MAST2: variants seen among roughly 807,000 people sequenced by gnomAD.
MAST2 encodes the protein microtubule-associated serine/threonine-protein kinase 2.
Under a neutral mutation model 147.4 loss-of-function variants are expected in MAST2, and 70 were observed. The observed-to-expected ratio is 0.47, with a 90% confidence interval of 0.39 to 0.58. The LOEUF is 0.58. Ranked by LOEUF, MAST2 falls within the 20% of genes least tolerant of loss-of-function variation. The pLI, the probability that MAST2 is intolerant of heterozygous loss-of-function variation, is 0.00. For missense variants in MAST2, 2,080 were observed against 2,302.3 expected (o/e 0.90, Z 1.98); for synonymous variants, 869 against 896.8 (o/e 0.97, Z 0.55).
At chr1:45,942,077 C>T (rs1657380883) in intron 4 of MAST2, among the ~76,000 whole-genome samples, 1 of 151,762 alleles carries the variant, frequency 6.6e-6, no homozygotes, top group Admixed American at 6.6e-5. Context: ...CTGAAAGAGT[C>T]TCAGGGACCC....
rs537007547 is a variant in MAST2 at position 46,031,022 on chromosome 1, G to T, written c.2724G>T (p.Leu908=). 1.9e-6 allele frequency: 3 copies of T among 1,613,596 alleles called. No homozygotes were observed. Among genetic ancestry groups the T allele is most frequent in the African/African-American group, 2.7e-5 (2 of 75,030 alleles). The change falls in exon 23 of 29, where the codon CTG becomes CTT. Residue 908 remains leucine, a synonymous_variant. Transcript: ENST00000361297. This position sits in a 1 kb window ranked among gnomAD's most constrained non-coding sequence, Gnocchi z 4.1. Reference sequence around the variant, plus strand: ...TGTCTCATAGATTACGGAAGCGGCTGTCGGTGTCTGAGTCATCCCACACAG... The same window carrying T: ...TGTCTCATAGATTACGGAAGCGGCTTTCGGTGTCTGAGTCATCCCACACAG... The part of the protein sequence containing the change: ...IGSPEILRKR[L]SVSESSHTES...
intron 3 of MAST2, among the ~76,000 whole-genome samples, chr1:45,869,572 A>C (rs1646295216): frequency 6.6e-6 from 1 of 152,176 alleles, no homozygotes; most frequent in African/African-American, 2.4e-5. Context: ...CTGCTGCTTT[A>C]TGTATTTACT....
intron 4 of MAST2, among the ~76,000 whole-genome samples, chr1:45,927,310 A>T (rs1654533638): frequency 6.6e-6 from 1 of 152,208 alleles, no homozygotes; most frequent in Non-Finnish European, 1.5e-5. Flanking sequence ...TTTTGAGATC[A>T]ACCGGTCTGA....
intron 1 of MAST2, among the ~76,000 whole-genome samples, chr1:45,807,727 AGACG>A (rs1418482763): frequency 6.6e-6 from 1 of 151,986 alleles, no homozygotes. Context: ...TTTTTAGTAG[AGACG>A]GGGTTTCACC....
At chr1:45,963,513 CT>C (rs959458190) in intron 5 of MAST2, among the ~76,000 whole-genome samples, 4 of 152,218 alleles carry the variant, frequency 2.6e-5, no homozygotes, top group Admixed American at 6.5e-5. Context: ...GTATTATATT[CT>C]CTTTGAAGCA....
chr1:46,033,721 T>A (rs1646776760), intron 26 of MAST2, 81 bp from the exon 27 acceptor site: 1 of 1,561,046 alleles, frequency 6.4e-7, no homozygotes, highest in African/African-American at 1.4e-5. Flanking sequence ...GGTATAGCCA[T>A]GCCAGAAGGG....
intron 4 of MAST2, among the ~76,000 whole-genome samples, chr1:45,936,400 A>C (rs1018786265): frequency 3.9e-5 from 6 of 152,090 alleles, no homozygotes; most frequent in Middle Eastern, 3.2e-3. Context: ...AGGACTTCCT[A>C]TGTGGAATAG....
At chr1:45,974,175 A>C (rs1320559787) in intron 5 of MAST2, among the ~76,000 whole-genome samples, 1 of 152,234 alleles carries the variant, frequency 6.6e-6, no homozygotes, top group African/African-American at 2.4e-5. Context: ...GGATCTAGTA[A>C]ATAAGCAGTA....
chr1:45,946,620 C>G (rs1658071515), intron 4 of MAST2, among the ~76,000 whole-genome samples: 1 of 152,170 alleles, frequency 6.6e-6, no homozygotes, highest in Non-Finnish European at 1.5e-5. Flanking sequence ...CTGGTATAAT[C>G]TGCCTGGGAC....
chr1:45,840,041 G>C (rs1645225846), intron 3 of MAST2, among the ~76,000 whole-genome samples: 6 of 152,150 alleles, frequency 3.9e-5, no homozygotes, highest in Admixed American at 3.9e-4. Context: ...GAAAATTTTT[G>C]TGATTTTAGG....
chr1:45,871,574 C>T (rs1363833061), intron 3 of MAST2, among the ~76,000 whole-genome samples: 1 of 152,170 alleles, frequency 6.6e-6, no homozygotes, highest in Admixed American at 6.5e-5. Flanking sequence ...CCATTTTCTG[C>T]TTAGAAAGCC....
At chr1:45,919,810 A>G (rs756737451) in intron 4 of MAST2, among the ~76,000 whole-genome samples, 1 of 147,444 alleles carries the variant, frequency 6.8e-6, no homozygotes, top group Non-Finnish European at 1.5e-5. Flanking sequence ...TTTTTTTTTC[A>G]TAGACTTACT....
intron 4 of MAST2, among the ~76,000 whole-genome samples, chr1:45,940,821 G>A (rs369033133): frequency 1.3e-5 from 2 of 152,102 alleles, no homozygotes; most frequent in South Asian, 2.1e-4. Context: ...GGGTTTCACC[G>A]TGTTAGCCAG....
Position 45,924,280 on chromosome 1 carries a change from G to C in MAST2, c.501-35106G>C, listed in dbSNP as rs148065403. ...GTACTCAAATTCACAGTCCAGAACA[G>C]AATCTGTGCTTAGTGAAAACGGTGA... On this transcript the variant is annotated intron_variant, in intron 4 of 28. Coordinates refer to ENST00000361297, the MANE Select transcript of MAST2 (RefSeq NM_015112.3). 7.4e-3 allele frequency among the ~76,000 whole-genome samples: 1,125 copies of C among 152,300 alleles called. 17 individuals are homozygous for C. Among genetic ancestry groups the C allele is most frequent in the African/African-American group, 0.026 (1,061 of 41,562 alleles).
chr1:46,033,179 A>G (rs1646750690), intron 26 of MAST2, among the ~76,000 whole-genome samples: 1 of 151,750 alleles, frequency 6.6e-6, no homozygotes, highest in Admixed American at 6.6e-5. Flanking sequence ...GAGGCTGAGG[A>G]AGGAGAATTG....
intron 5 of MAST2, among the ~76,000 whole-genome samples, chr1:45,982,870 A>G (rs779014954): frequency 1.1e-4 from 16 of 152,140 alleles, no homozygotes; most frequent in Non-Finnish European, 1.9e-4. Context: ...TGCTAACTCT[A>G]TATGGATGGC....
At chr1:45,907,781 C>T (rs1382365041) in intron 4 of MAST2, among the ~76,000 whole-genome samples, 1 of 152,116 alleles carries the variant, frequency 6.6e-6, no homozygotes, top group African/African-American at 2.4e-5. Flanking sequence ...TATGCATTTG[C>T]CTCTTCTAAA....
At chr1:45,840,133 G>A (rs1645229180) in intron 3 of MAST2, among the ~76,000 whole-genome samples, 1 of 152,190 alleles carries the variant, frequency 6.6e-6, no homozygotes, top group South Asian at 2.1e-4. Context: ...AAAAATTTTT[G>A]CTCTTCAGTA....
At chr1:45,956,442 T>A (rs1385741008) in intron 4 of MAST2, among the ~76,000 whole-genome samples, 2 of 152,154 alleles carry the variant, frequency 1.3e-5, no homozygotes, top group East Asian at 1.9e-4. Context: ...TCAGCATGAG[T>A]CTGTCTTTGA....
Sources: allele counts gnomAD v4.1 joint callset (sites outside exome capture counted in the v4.1 genomes callset), GRCh38; gene constraint gnomAD v4.1.1; non-coding constraint Gnocchi (gnomAD v3.1); transcripts MANE v1.5; gene names NCBI Gene and HGNC (gene_info 2026-07-23, HGNC 2026-07-21).